Variants in PTPN14 observed in about 807,000 individuals in gnomAD.
PTPN14 encodes tyrosine-protein phosphatase non-receptor type 14.
PTPN14 carries 53 observed loss-of-function variants against 126.8 expected under a neutral mutation model. That is an observed-to-expected ratio of 0.42 (90% confidence interval 0.34 to 0.53). The LOEUF (loss-of-function observed/expected upper bound fraction) is 0.53, where lower values mean the gene tolerates loss of function less well. Ranked by LOEUF, PTPN14 falls within the 20% of genes least tolerant of loss-of-function variation. The pLI is 0.08. For missense variants in PTPN14, 1,257 were observed against 1,552.9 expected (o/e 0.81, Z 3.20); for synonymous variants, 630 against 599.3 (o/e 1.05, Z -0.75).
At chr1:214,547,924 A>AG (rs1371053703) in intron 1 of PTPN14, among the ~76,000 whole-genome samples, 2 of 151,558 alleles carry the variant, frequency 1.3e-5, no homozygotes, top group Non-Finnish European at 2.9e-5. Context: ...AAAAAAAAAA[A>AG]GTCAAAAACA....
At chr1:214,463,394 GCTA>G (rs1660556201) in intron 2 of PTPN14, among the ~76,000 whole-genome samples, 1 of 152,118 alleles carries the variant, frequency 6.6e-6, no homozygotes, top group Non-Finnish European at 1.5e-5. Flanking sequence ...CAGTTACCAA[GCTA>G]CTAATACATA....
intron 5 of PTPN14, 140 bp downstream of exon 5, chr1:214,411,544 A>G: frequency 1.8e-6 from 1 of 544,372 alleles, no homozygotes; most frequent in Non-Finnish European, 3.2e-6. Flanking sequence ...TGTGTTTTAT[A>G]AAACTTGCCC....
intron 1 of PTPN14, among the ~76,000 whole-genome samples, chr1:214,494,132 G>A (rs1033867742): frequency 2.2e-4 from 33 of 151,930 alleles, no homozygotes; most frequent in East Asian, 3.9e-4. Flanking sequence ...GTGCAGTGGC[G>A]CGATCTCAGC....
At chr1:214,406,067 T>A (rs1298060745) in intron 5 of PTPN14, among the ~76,000 whole-genome samples, 1 of 152,188 alleles carries the variant, frequency 6.6e-6, no homozygotes, top group Admixed American at 6.6e-5. Context: ...ACAACTCGGA[T>A]AAGGCTTCTG....
chr1:214,414,999 G>A (rs144024394), intron 3 of PTPN14, among the ~76,000 whole-genome samples: 7 of 152,218 alleles, frequency 4.6e-5, no homozygotes, highest in Non-Finnish European at 1.5e-5. Flanking sequence ...CCACTGATAA[G>A]GACCAGGTCC....
At chr1:214,510,409 C>A (rs6681139) in intron 1 of PTPN14, among the ~76,000 whole-genome samples, 2,365 of 152,276 alleles carry the variant, frequency 0.016, 56 homozygotes, top group African/African-American at 0.054. Flanking sequence ...TGTCACAAAC[C>A]TTCCATCTAT....
At chr1:214,433,864 C>T (rs981557327) in intron 3 of PTPN14, among the ~76,000 whole-genome samples, 6 of 149,380 alleles carry the variant, frequency 4.0e-5, no homozygotes, top group Non-Finnish European at 8.9e-5. Context: ...TGAGGCAGGA[C>T]GACTGCTTGA....
chr1:214,379,867 C>T (rs1328991665), intron 13 of PTPN14, among the ~76,000 whole-genome samples: 1 of 152,194 alleles, frequency 6.6e-6, no homozygotes, highest in Non-Finnish European at 1.5e-5. Flanking sequence ...AGCCATGCCC[C>T]GACCACCTTG....
At chr1:214,499,553 A>T (rs1654628862) in intron 1 of PTPN14, among the ~76,000 whole-genome samples, 1 of 152,216 alleles carries the variant, frequency 6.6e-6, no homozygotes, top group Non-Finnish European at 1.5e-5. Context: ...CATCATGTTC[A>T]TCTTTCAGCC....
intron 1 of PTPN14, 52 bp from the exon 2 acceptor site, chr1:214,465,009 T>C (rs565538330): frequency 1.9e-6 from 1 of 512,972 alleles, no homozygotes; most frequent in African/African-American, 1.9e-5. Flanking sequence ...GACCTATCAA[T>C]GGTACCATAT....
chr1:214,486,406 T>C (rs1372136088), intron 1 of PTPN14, among the ~76,000 whole-genome samples: 3 of 152,200 alleles, frequency 2.0e-5, no homozygotes, highest in Admixed American at 6.5e-5. Context: ...TCTTCCAGAA[T>C]ATCTTAAAGT....
rs190353102 is a variant in PTPN14 at position 214,401,907 on chromosome 1, G to A, written c.582-135C>T. The A allele has an allele frequency of 7.4e-5, 50 of 679,048 alleles. 1 individual carries two copies. The East Asian group carries it at 9.1e-4, about 12-fold the overall frequency. 42.1% of individuals were successfully genotyped at this position (679,048 alleles called of 1,614,324 possible). On this transcript the variant is annotated intron_variant, in intron 6 of 18. Coordinates refer to ENST00000366956, the MANE Select transcript of PTPN14 (RefSeq NM_005401.5). ...AGAGCAATCATTACCCAACTGTGAGGGTAGGGTGCATTACTAAGTAATTCA... is the reference window on the plus strand; with the variant it reads ...AGAGCAATCATTACCCAACTGTGAGAGTAGGGTGCATTACTAAGTAATTCA...
chr1:214,541,964 A>C lies in PTPN14; in HGVS notation c.-155+9219T>G, dbSNP rs1409560889. Among the ~76,000 whole-genome samples, 4 of 152,284 alleles carry C rather than the reference A, an allele frequency of 2.6e-5. No individual in the cohort carries two copies. The East Asian group carries it at 7.7e-4, about 29-fold the overall frequency. Reference sequence around the variant, plus strand: ...TTTTAAATGAAATATTTTAGAAGGGAGAATGTAATAAACACACGTTTCCAT... The same window carrying C: ...TTTTAAATGAAATATTTTAGAAGGGCGAATGTAATAAACACACGTTTCCAT... On this transcript the variant is annotated intron_variant, in intron 1 of 18. Transcript: ENST00000366956.
chr1:214,393,147 A>T (rs1038348145), intron 10 of PTPN14, among the ~76,000 whole-genome samples: 1 of 152,162 alleles, frequency 6.6e-6, no homozygotes, highest in South Asian at 2.1e-4. Context: ...AAATTAAATT[A>T]AAAAAATACA....
chr1:214,413,691 CAG>C (rs1659360026), intron 4 of PTPN14, among the ~76,000 whole-genome samples: 1 of 152,184 alleles, frequency 6.6e-6, no homozygotes, highest in East Asian at 1.9e-4. Context: ...CTTTTTGAGA[CAG>C]AGTCTAGCTT....
rs562541183 is a variant in PTPN14 at position 214,444,615 on chromosome 1, C to T, written c.344+7190G>A. On this transcript the variant is annotated intron_variant, in intron 3 of 18. Coordinates refer to ENST00000366956, the MANE Select transcript of PTPN14 (RefSeq NM_005401.5). ...ACACTAACTTGTTTACAACAGCACACAAGGCAGATTGCAGGAGTCTAAGGG... is the reference window on the plus strand; with the variant it reads ...ACACTAACTTGTTTACAACAGCACATAAGGCAGATTGCAGGAGTCTAAGGG... Among the ~76,000 whole-genome samples, 4 of 152,252 alleles carry T rather than the reference C, an allele frequency of 2.6e-5. No homozygotes were observed. In the South Asian group the frequency reaches 8.3e-4, roughly 32 times the overall value.
In PTPN14 at chr1:214,383,244, C is replaced by CCCTT. The variant is rs763703030; in HGVS notation, c.2544+63_2544+66dup. ...ACCACGTTCCCTGCATAAGCCCTGC[C>CCCTT]CCTTGCTCAGTGCCTGAAGCATGTG... On this transcript the variant is annotated intron_variant, in intron 13 of 18. Transcript: ENST00000366956. The surrounding 1 kb of genome is among the most constrained non-coding windows in gnomAD (Gnocchi z 4.4). 1.3e-6 allele frequency: 2 copies of CCCTT among 1,543,276 alleles called. No homozygotes were observed. The highest frequency in any genetic ancestry group is 1.8e-6 in the Non-Finnish European group (2 of 1,134,584).
intron 18 of PTPN14, among the ~76,000 whole-genome samples, chr1:214,359,277 A>G (rs1232337167): frequency 6.8e-6 from 1 of 146,524 alleles, no homozygotes; most frequent in Admixed American, 6.8e-5. Flanking sequence ...GCAGTGGCTC[A>G]ATCTCTGCTC....
intron 13 of PTPN14, among the ~76,000 whole-genome samples, chr1:214,380,282 G>A (rs771346110): frequency 5.9e-5 from 9 of 152,102 alleles, no homozygotes; most frequent in Non-Finnish European, 1.3e-4. Flanking sequence ...GCACTGTAAG[G>A]TGACCCTAAC....
Sources: allele counts gnomAD v4.1 joint callset (sites outside exome capture counted in the v4.1 genomes callset), GRCh38; gene constraint gnomAD v4.1.1; non-coding constraint Gnocchi (gnomAD v3.1); transcripts MANE v1.5; gene names NCBI Gene and HGNC (gene_info 2026-07-23, HGNC 2026-07-21).